The following CRISPLD2 variants were observed in gnomAD, a reference collection of about 807,000 sequenced individuals.
The protein encoded by CRISPLD2 is cysteine-rich secretory protein LCCL domain-containing 2.
A neutral mutation model predicts 71.1 loss-of-function variants in CRISPLD2; 47 were observed. The ratio of observed to expected loss-of-function variants is 0.66; its 90% CI spans 0.52 to 0.84. The LOEUF (loss-of-function observed/expected upper bound fraction) is 0.84. Among genes scored for constraint, CRISPLD2 ranks in the 40% least tolerant of loss-of-function variants. CRISPLD2 has a pLI of 0.00. For missense variants in CRISPLD2, 830 were observed against 651.1 expected (o/e 1.27, Z -2.99); for synonymous variants, 317 against 250.1 (o/e 1.27, Z -2.52).
chr16:84,872,580 G>A, intron 9 of CRISPLD2, 72 bp downstream of exon 9: 2 of 1,302,112 alleles, frequency 1.5e-6, no homozygotes, highest in Non-Finnish European at 2.2e-6. Context: ...CAGGTGGTTG[G>A]CTTTAGTAGG....
At chr16:84,896,288 A>T (rs2071705463) in intron 14 of CRISPLD2, among the ~76,000 whole-genome samples, 1 of 152,024 alleles carries the variant, frequency 6.6e-6, no homozygotes, top group Non-Finnish European at 1.5e-5. Flanking sequence ...ACCTCAAGTG[A>T]TCCGCCCACC....
intron 6 of CRISPLD2, among the ~76,000 whole-genome samples, chr16:84,860,389 T>C (rs752125524): frequency 2.0e-4 from 31 of 152,192 alleles, no homozygotes; most frequent in Admixed American, 2.6e-4. Flanking sequence ...AAGCAGTTCT[T>C]TTCGAGTGTA....
chr16:84,869,787 G>A (rs758524180), intron 8 of CRISPLD2, among the ~76,000 whole-genome samples: 8 of 152,384 alleles, frequency 5.2e-5, no homozygotes, highest in African/African-American at 9.6e-5. Context: ...CTGAGAAGCC[G>A]GAGTTGTCCT....
rs545023117 is a variant in CRISPLD2, at chr16:84,864,958, A to C, written c.710-1939A>C. Among the ~76,000 whole-genome samples, 3 of 152,286 alleles carry C rather than the reference A, an allele frequency of 2.0e-5. No homozygotes were observed. In the South Asian group the frequency reaches 6.2e-4, roughly 32 times the overall value. ...CAGCCTGGGGTGGTGGTTGTAGGGT[A>C]GTGAAATTGGCCAGTGAAGCAGCTA... On this transcript the variant is annotated intron_variant, in intron 6 of 14. Transcript: ENST00000262424.
At chr16:84,887,290 G>A (rs1029807984) in intron 13 of CRISPLD2, among the ~76,000 whole-genome samples, 17 of 152,242 alleles carry the variant, frequency 1.1e-4, no homozygotes, top group African/African-American at 1.7e-4. Flanking sequence ...TACACTACAC[G>A]TGCAGGGAGG....
chr16:84,903,538 G>A (rs1010563386), intron 14 of CRISPLD2, among the ~76,000 whole-genome samples: 2 of 150,122 alleles, frequency 1.3e-5, no homozygotes, highest in Admixed American at 6.6e-5. Flanking sequence ...GTTGCAATGA[G>A]CCGAGATCAC....
chr16:84,865,887 G>A (rs916879091), intron 6 of CRISPLD2, among the ~76,000 whole-genome samples: 2 of 152,190 alleles, frequency 1.3e-5, no homozygotes, highest in African/African-American at 4.8e-5. Context: ...CATGGGTCAT[G>A]GTCATAGTTG....
At chr16:84,842,928 C>T (rs1295514366) in intron 2 of CRISPLD2, among the ~76,000 whole-genome samples, 2 of 152,132 alleles carry the variant, frequency 1.3e-5, no homozygotes, top group East Asian at 1.9e-4. Flanking sequence ...AGATGCTTCC[C>T]GCCTCCCGGT....
intron 8 of CRISPLD2, among the ~76,000 whole-genome samples, chr16:84,872,089 G>C (rs150095449): frequency 7.6e-4 from 116 of 152,180 alleles, no homozygotes; most frequent in African/African-American, 2.7e-3. Flanking sequence ...TTTACCTTGT[G>C]GTAGGTATTA....
At chr16:84,835,159 C>G (rs4782665) in intron 1 of CRISPLD2, among the ~76,000 whole-genome samples, 1 of 151,980 alleles carries the variant, frequency 6.6e-6, no homozygotes, top group Non-Finnish European at 1.5e-5. Context: ...GGCATGATCT[C>G]GGCTCACTGC....
chr16:84,842,974 C>T (rs1419050435), intron 2 of CRISPLD2, among the ~76,000 whole-genome samples: 1 of 152,176 alleles, frequency 6.6e-6, no homozygotes, highest in Non-Finnish European at 1.5e-5. Flanking sequence ...TCTTCTTGTC[C>T]CTGCACTGTG....
chr16:84,886,098 C>T (rs893283968), intron 13 of CRISPLD2, among the ~76,000 whole-genome samples: 1 of 152,238 alleles, frequency 6.6e-6, no homozygotes, highest in African/African-American at 2.4e-5. Flanking sequence ...CCATGTTGGT[C>T]AGGCTGATCT....
intron 2 of CRISPLD2, among the ~76,000 whole-genome samples, chr16:84,841,537 T>TAAAAAAGAAA (rs1916770412): frequency 6.8e-6 from 1 of 148,072 alleles, no homozygotes; most frequent in South Asian, 2.1e-4. Flanking sequence ...GAAATGGGGG[T>TAAAAAAGAAA]AAAAAAGAAA....
In CRISPLD2 at chr16:84,880,100, C is replaced by G. The variant is rs3826115; in HGVS notation, c.1230-409C>G. On this transcript the variant is annotated intron_variant, in intron 12 of 14. Transcript: ENST00000262424. ...AGGTGAGGGCCCTCCACCCTTTCCTCCTCCACACAGGGAAGCGGCCTTAGA... is the reference window on the plus strand; with the variant it reads ...AGGTGAGGGCCCTCCACCCTTTCCTGCTCCACACAGGGAAGCGGCCTTAGA... 1.7e-4 allele frequency among the ~76,000 whole-genome samples: 26 copies of G among 152,320 alleles called. No homozygotes were observed. The East Asian group carries it at 5.0e-3, about 29-fold the overall frequency.
intron 14 of CRISPLD2, among the ~76,000 whole-genome samples, chr16:84,897,288 A>T (rs1336058109): frequency 7.1e-6 from 1 of 141,078 alleles, no homozygotes; most frequent in Non-Finnish European, 1.5e-5. Context: ...TACTAAAAAT[A>T]CAAAAAAAAA....
intron 5 of CRISPLD2, among the ~76,000 whole-genome samples, chr16:84,852,990 C>T (rs1917130721): frequency 1.3e-5 from 2 of 152,062 alleles, no homozygotes; most frequent in South Asian, 4.2e-4. Context: ...TTGCTTGAGC[C>T]CAGGAGGTTG....
chr16:84,845,765 C>A, intron 2 of CRISPLD2, 21 bp from the exon 3 acceptor site: 1 of 1,553,072 alleles, frequency 6.4e-7, no homozygotes, highest in Non-Finnish European at 8.9e-7. Context: ...CTCCTGGTGC[C>A]CGTTTCTCCT....
intron 1 of CRISPLD2, among the ~76,000 whole-genome samples, chr16:84,835,091 CT>C (rs1189068625): frequency 3.3e-5 from 5 of 151,920 alleles, no homozygotes; most frequent in African/African-American, 1.2e-4. Context: ...GGTTACTTTT[CT>C]TTTTTTAATT....
chr16:84,867,847 C>T (rs1285487136), intron 7 of CRISPLD2, among the ~76,000 whole-genome samples: 4 of 152,224 alleles, frequency 2.6e-5, no homozygotes, highest in Non-Finnish European at 4.4e-5. Flanking sequence ...CTGGGCACCT[C>T]AGCTCCCCAA....
Sources: gnomAD v4.1 joint callset for allele counts (sites outside exome capture counted in the v4.1 genomes callset) on GRCh38, gnomAD v4.1.1 for gene constraint, MANE v1.5 for transcripts, NCBI Gene and HGNC (gene_info 2026-07-23, HGNC 2026-07-21) for gene names.